The following APCDD1L variants were observed in gnomAD, a reference collection of about 807,000 sequenced individuals.
APCDD1L encodes protein APCDD1-like.
A neutral mutation model predicts 24.2 loss-of-function variants in APCDD1L; 21 were observed. The observed-to-expected ratio is 0.87, with a 90% CI of 0.61 to 1.25. APCDD1L has a LOEUF of 1.25. Among genes scored for constraint, APCDD1L ranks in the 50% most tolerant of loss-of-function variants. The probability of loss-of-function intolerance (pLI) is 0.00; values close to 1 mark genes in which losing one functional copy is unlikely to be tolerated. For synonymous variants in APCDD1L, 321 were observed against 323.6 expected (o/e 0.99, Z 0.09); for missense variants, 704 against 711.7 (o/e 0.99, Z 0.12).
rs543295382 is a variant in APCDD1L at position 58,508,954 on chromosome 20, ATG to A, written c.49+5703_49+5704del. Among the ~76,000 whole-genome samples, 14 of 150,108 alleles carry A rather than the reference ATG, an allele frequency of 9.3e-5. No homozygotes were observed. The East Asian group carries it at 1.4e-3, about 15-fold the overall frequency. ...TGTGCGTGAGTGTGTGTGAGTGTGC[ATG>A]TGTGTCTGTGTGCGCACGTGTGTGT... On this transcript the variant is annotated intron_variant, in intron 1 of 3. Coordinates refer to ENST00000371149, the MANE Select transcript of APCDD1L (RefSeq NM_153360.3). This position sits in a 1 kb window ranked among gnomAD's most constrained non-coding sequence, Gnocchi z 4.0.
chr20:58,511,415 G>A (rs1245770589), intron 1 of APCDD1L, among the ~76,000 whole-genome samples: 1 of 152,226 alleles, frequency 6.6e-6, no homozygotes, highest in Non-Finnish European at 1.5e-5. Context: ...GCTCATTCTG[G>A]CTTTAAGCTT....
At position 58,497,443 on chromosome 20, in the gene APCDD1L, CCATGAGTCTGGGCT is replaced by C. The variant is rs999499219; in HGVS notation, c.49+17202_49+17215del. ...ATTTACATTCTCATCCTGCTGGAGG[CCATGAGTCTGGGCT>C]CATGAGTCTGGGCTCAAGGTGCGAG... On this transcript the variant is annotated intron_variant, in intron 1 of 3. Coordinates refer to ENST00000371149, the MANE Select transcript of APCDD1L (RefSeq NM_153360.3). This position sits in a 1 kb window ranked among gnomAD's most constrained non-coding sequence, Gnocchi z 4.3. Among the ~76,000 whole-genome samples, 1 of 152,192 alleles carries C rather than the reference CCATGAGTCTGGGCT, an allele frequency of 6.6e-6. No homozygotes were observed. Among genetic ancestry groups the C allele is most frequent in the African/African-American group, 2.4e-5 (1 of 41,516 alleles).
intron 1 of APCDD1L, among the ~76,000 whole-genome samples, chr20:58,475,366 C>T (rs974862181): frequency 7.2e-5 from 11 of 152,168 alleles, no homozygotes; most frequent in South Asian, 2.1e-4. Context: ...AGTCACGCGT[C>T]GGTTTTAGAG....
In APCDD1L at chr20:58,461,297, G is replaced by T; in HGVS notation, c.999C>A (p.Ala333=). The part of the protein sequence containing the change: ...CRQPTFTVYA[A]GRYTRGTPST... ...ATGGCGTGCCCCTGGTGTAGCGGCCGGCGGCATACACGGTGAAGGTGGGCT... is the reference window on the plus strand; with the variant it reads ...ATGGCGTGCCCCTGGTGTAGCGGCCTGCGGCATACACGGTGAAGGTGGGCT... Residue 333 remains alanine (A), a synonymous_variant, in exon 4 of 4, where the codon GCC becomes GCA. Coordinates refer to ENST00000371149, the MANE Select transcript of APCDD1L (RefSeq NM_153360.3). This position sits in a 1 kb window ranked among gnomAD's most constrained non-coding sequence, Gnocchi z 6.0. 1 of 1,610,954 alleles carries T rather than the reference G, an allele frequency of 6.2e-7. No individual in the cohort carries two copies. Among genetic ancestry groups the T allele is most frequent in the Non-Finnish European group, 8.5e-7 (1 of 1,178,114 alleles).
rs920799475 is a variant in APCDD1L, at chr20:58,480,990, G to A, written c.50-10243C>T. 7.2e-5 allele frequency among the ~76,000 whole-genome samples: 11 copies of A among 152,300 alleles called. No individual in the cohort carries two copies. The East Asian group carries it at 1.5e-3, about 21-fold the overall frequency. On this transcript the variant is annotated intron_variant, in intron 1 of 3. Coordinates refer to ENST00000371149, the MANE Select transcript of APCDD1L (RefSeq NM_153360.3). ...TCGTTAACTTGACTTTAGCACCTGCGTTCCCAGCTTGCACGTTGGTCTGTA... is the reference window on the plus strand; with the variant it reads ...TCGTTAACTTGACTTTAGCACCTGCATTCCCAGCTTGCACGTTGGTCTGTA...
chr20:58,512,012 G>A (rs983796158), intron 1 of APCDD1L, among the ~76,000 whole-genome samples: 2 of 152,238 alleles, frequency 1.3e-5, no homozygotes, highest in African/African-American at 4.8e-5. Flanking sequence ...TTGCTGTGGA[G>A]TGAACCAACA....
Position 58,461,480 on chromosome 20 carries a change from G to A in APCDD1L, c.816C>T (p.Pro272=), listed in dbSNP as rs1989607208. The A allele has an allele frequency of 6.8e-7, 1 of 1,476,204 alleles. No individual in the cohort carries two copies. 91.4% of individuals were successfully genotyped at this position (1,476,204 alleles called of 1,614,324 possible). A position where few individuals can be genotyped will look rare whatever the true frequency, so the allele number is the denominator to read the frequency against. The stretch of plus-strand genomic sequence containing the variant: ...CCAGGTGCAGGGGCAGGGCCAGAGG[G>A]GGCGGCAGCACGGGCGGGTGGTGCA... ...SDVHHPPVLP[P]PLALPLHLGG... Residue 272 remains proline (P), a synonymous_variant, in exon 4 of 4, where the codon CCC becomes CCT. Transcript: ENST00000371149. This position sits in a 1 kb window ranked among gnomAD's most constrained non-coding sequence, Gnocchi z 6.0.
intron 2 of APCDD1L, among the ~76,000 whole-genome samples, chr20:58,469,187 C>T (rs1437374794): frequency 6.6e-6 from 1 of 152,218 alleles, no homozygotes; most frequent in Non-Finnish European, 1.5e-5. Flanking sequence ...AAAATAATCA[C>T]ATTACACTGT....
rs1303642265 is a variant in APCDD1L at position 58,467,667 on chromosome 20, G to C, written c.189-9C>G. 5 of 1,484,706 alleles carry C rather than the reference G, an allele frequency of 3.4e-6. No individual in the cohort carries two copies. The South Asian group carries it at 6.9e-5, about 21-fold the overall frequency. 92.0% of individuals were successfully genotyped at this position (1,484,706 alleles called of 1,614,324 possible). ...CTGGGCGCACCTCGCAGCTGCAGGG[G>C]TGGAAGGAGATGGGCTGGGTGCAGA... is the stretch of plus-strand genomic sequence containing the variant. On this transcript the variant is annotated splice_polypyrimidine_tract_variant and intron_variant, in intron 2 of 3. Coordinates refer to ENST00000371149, the MANE Select transcript of APCDD1L (RefSeq NM_153360.3). This position sits in a 1 kb window ranked among gnomAD's most constrained non-coding sequence, Gnocchi z 5.9.
At chr20:58,498,188 A>G (rs1453155037) in intron 1 of APCDD1L, among the ~76,000 whole-genome samples, 1 of 152,204 alleles carries the variant, frequency 6.6e-6, no homozygotes, top group Non-Finnish European at 1.5e-5. Context: ...AGGCCTTACA[A>G]TACAAACCAC....
chr20:58,477,811 G>A (rs1196973241), intron 1 of APCDD1L, among the ~76,000 whole-genome samples: 1 of 151,956 alleles, frequency 6.6e-6, no homozygotes, highest in East Asian at 1.9e-4. Flanking sequence ...TTAGAGATGG[G>A]GTCTCACTAT....
intron 3 of APCDD1L, among the ~76,000 whole-genome samples, chr20:58,463,091 G>A (rs558252574): frequency 2.6e-4 from 36 of 137,736 alleles, no homozygotes; most frequent in African/African-American, 1.0e-3. Context: ...GCAGTGAGCC[G>A]AGATTGTGCC....
At chr20:58,462,409 G>A (rs145376586) in intron 3 of APCDD1L, among the ~76,000 whole-genome samples, 1 of 152,276 alleles carries the variant, frequency 6.6e-6, no homozygotes, top group African/African-American at 2.4e-5. Flanking sequence ...CCCCTCTCAT[G>A]TGCTCATAGC....
At chr20:58,505,274 A>C (rs1431255953) in intron 1 of APCDD1L, among the ~76,000 whole-genome samples, 1 of 152,128 alleles carries the variant, frequency 6.6e-6, no homozygotes, top group African/African-American at 2.4e-5. Context: ...TTTGTTGCCC[A>C]GGCTCATCTT....
chr20:58,489,402 G>A (rs1990180360), intron 1 of APCDD1L, among the ~76,000 whole-genome samples: 2 of 151,868 alleles, frequency 1.3e-5, no homozygotes, highest in Admixed American at 1.3e-4. Context: ...AAAAAATTAG[G>A]GTCAGGTGCG....
chr20:58,489,465 C>T (rs530601991), intron 1 of APCDD1L, among the ~76,000 whole-genome samples: 19 of 152,186 alleles, frequency 1.2e-4, no homozygotes, highest in East Asian at 1.9e-4. Context: ...AGGCGGATCA[C>T]GAGGTTAGGA....
chr20:58,474,919 G>A (rs373725644), intron 1 of APCDD1L, among the ~76,000 whole-genome samples: 1 of 151,994 alleles, frequency 6.6e-6, no homozygotes, highest in Non-Finnish European at 1.5e-5. Flanking sequence ...CAATGACTCC[G>A]CTTTCTGTCT....
At chr20:58,484,927 T>C (rs1990092535) in intron 1 of APCDD1L, among the ~76,000 whole-genome samples, 1 of 151,274 alleles carries the variant, frequency 6.6e-6, no homozygotes, top group African/African-American at 2.4e-5. Context: ...CAGAAAATGG[T>C]TTCATGCCGA....
At chr20:58,483,279 G>A (rs1489939462) in intron 1 of APCDD1L, among the ~76,000 whole-genome samples, 3 of 152,140 alleles carry the variant, frequency 2.0e-5, no homozygotes, top group South Asian at 2.1e-4. Context: ...CGGCTGGTGC[G>A]GAGGGAGGCC....
Sources: allele counts gnomAD v4.1 joint callset (sites outside exome capture counted in the v4.1 genomes callset), GRCh38; gene constraint gnomAD v4.1.1; non-coding constraint Gnocchi (gnomAD v3.1); transcripts MANE v1.5; gene names NCBI Gene and HGNC (gene_info 2026-07-23, HGNC 2026-07-21).